Variants in SLC4A4 observed in about 807,000 individuals in gnomAD.
The protein encoded by SLC4A4 is electrogenic sodium bicarbonate cotransporter 1.
A neutral mutation model predicts 111.5 loss-of-function variants in SLC4A4; 27 were observed. The ratio of observed to expected loss-of-function variants is 0.24; its 90% confidence interval spans 0.18 to 0.33. The LOEUF is 0.33. Ranked by LOEUF, SLC4A4 falls within the 10% of genes least tolerant of loss-of-function variation. SLC4A4 has a pLI of 1.00. For missense variants in SLC4A4, 909 were observed against 1,315.5 expected, an observed-to-expected ratio of 0.69 and a Z score of 4.78; for synonymous variants, 443 against 463.4, an observed-to-expected ratio of 0.96 and a Z score of 0.57.
chr4:71,157,678 T>A (rs539626524), intron 2 of SLC4A4, among the ~76,000 whole-genome samples: 14 of 152,332 alleles, frequency 9.2e-5, no homozygotes, highest in African/African-American at 3.4e-4. Context: ...TTTTGATTAT[T>A]CAAAGACCTT....
chr4:71,423,686 G>A (rs1425350068), intron 7 of SLC4A4, among the ~76,000 whole-genome samples: 2 of 151,984 alleles, frequency 1.3e-5, no homozygotes, highest in Admixed American at 6.6e-5. Context: ...AAATAACGCC[G>A]CATATCTACA....
intron 6 of SLC4A4, among the ~76,000 whole-genome samples, chr4:71,382,276 T>C (rs1652142863): frequency 6.6e-6 from 1 of 152,128 alleles, no homozygotes; most frequent in African/African-American, 2.4e-5. Context: ...TCCTCTTATA[T>C]GAGGAAGCAG....
At chr4:71,552,696 A>C (rs553475688) in intron 20 of SLC4A4, among the ~76,000 whole-genome samples, 6 of 151,820 alleles carry the variant, frequency 4.0e-5, no homozygotes, top group African/African-American at 1.4e-4. Flanking sequence ...TTATAATTAT[A>C]CTTTTGTGCT....
At chr4:71,256,716 A>C (rs1049595259) in intron 3 of SLC4A4, among the ~76,000 whole-genome samples, 1 of 152,222 alleles carries the variant, frequency 6.6e-6, no homozygotes, top group Non-Finnish European at 1.5e-5. Flanking sequence ...CTTAAAATGC[A>C]CATAAACATG....
chr4:71,169,953 C>T lies in SLC4A4; in HGVS notation c.-1-66623C>T, dbSNP rs149198460. On this transcript the variant is annotated intron_variant, in intron 2 of 26. Transcript: ENST00000649996. ...TTCTCCAAACCTCATTTCATCACTA[C>T]TCTCTCTGCTCATTCACTGTGCTCT... is the stretch of plus-strand genomic sequence containing the variant. Among the ~76,000 whole-genome samples, 19 of 152,334 alleles carry T rather than the reference C, an allele frequency of 1.2e-4. 1 individual carries two copies. Among genetic ancestry groups the T allele is most frequent in the African/African-American group, 4.6e-4 (19 of 41,576 alleles).
intron 6 of SLC4A4, among the ~76,000 whole-genome samples, chr4:71,382,932 T>C (rs1718294144): frequency 6.6e-6 from 1 of 152,214 alleles, no homozygotes; most frequent in Non-Finnish European, 1.5e-5. Context: ...GATATGAATT[T>C]CTTTCTCATT....
intron 20 of SLC4A4, among the ~76,000 whole-genome samples, chr4:71,548,981 T>C (rs1349075792): frequency 6.6e-6 from 1 of 151,930 alleles, no homozygotes; most frequent in East Asian, 1.9e-4. Context: ...TTTTCCTTGG[T>C]TTCCACAATG....
chr4:71,550,016 G>A (rs776225829), intron 20 of SLC4A4, among the ~76,000 whole-genome samples: 1 of 151,798 alleles, frequency 6.6e-6, no homozygotes, highest in Non-Finnish European at 1.5e-5. Context: ...ATCCATACCT[G>A]GGCTCATCCT....
chr4:71,129,438 A>C (rs979946199), intron 2 of SLC4A4, among the ~76,000 whole-genome samples: 1 of 152,204 alleles, frequency 6.6e-6, no homozygotes, highest in African/African-American at 2.4e-5. Context: ...CACCAGTCAG[A>C]ATGGCTGTCA....
At chr4:71,262,325 A>G (rs561062123) in intron 3 of SLC4A4, among the ~76,000 whole-genome samples, 24 of 152,296 alleles carry the variant, frequency 1.6e-4, no homozygotes, top group Non-Finnish European at 3.1e-4. Context: ...GTGAGGGACC[A>G]CGGGCCTACT....
At chr4:71,269,858 T>G (rs911106856) in intron 3 of SLC4A4, among the ~76,000 whole-genome samples, 4 of 152,196 alleles carry the variant, frequency 2.6e-5, no homozygotes, top group Non-Finnish European at 4.4e-5. Flanking sequence ...ACTTACGAGC[T>G]TTTTGATGGT....
chr4:71,209,391 G>T (rs1717991941), intron 1 of SLC4A4, among the ~76,000 whole-genome samples: 1 of 152,196 alleles, frequency 6.6e-6, no homozygotes, highest in Non-Finnish European at 1.5e-5. Context: ...AATTCTACAA[G>T]GATGTTGCAA....
chr4:71,073,711 T>C (rs180757780), intron 1 of SLC4A4, among the ~76,000 whole-genome samples: 1 of 152,198 alleles, frequency 6.6e-6, no homozygotes, highest in Admixed American at 6.6e-5. Flanking sequence ...GGTACTGCTG[T>C]CTCTCCAGCA....
intron 1 of SLC4A4, among the ~76,000 whole-genome samples, chr4:71,227,821 G>T (rs999018624): frequency 1.3e-5 from 2 of 152,190 alleles, no homozygotes; most frequent in Non-Finnish European, 2.9e-5. Context: ...GAAGAAGGGT[G>T]ATTGAAAGCT....
At chr4:71,546,134 C>T (rs917629987) in intron 18 of SLC4A4, among the ~76,000 whole-genome samples, 12 of 152,004 alleles carry the variant, frequency 7.9e-5, no homozygotes, top group African/African-American at 2.9e-4. Context: ...CACTATAGTA[C>T]AGAAGGTCTC....
At chr4:71,083,543 T>A (rs1742054044) in intron 1 of SLC4A4, among the ~76,000 whole-genome samples, 1 of 151,966 alleles carries the variant, frequency 6.6e-6, no homozygotes, top group African/African-American at 2.4e-5. Flanking sequence ...CAATGTTGAA[T>A]GAAATAAACT....
At chr4:71,329,477 A>G (rs1727787399) in intron 3 of SLC4A4, among the ~76,000 whole-genome samples, 1 of 151,864 alleles carries the variant, frequency 6.6e-6, no homozygotes, top group Non-Finnish European at 1.5e-5. Flanking sequence ...CCATTTTGTT[A>G]TGTCTTCAAT....
intron 7 of SLC4A4, among the ~76,000 whole-genome samples, chr4:71,401,048 A>G (rs1489666436): frequency 1.3e-5 from 2 of 152,174 alleles, no homozygotes; most frequent in South Asian, 2.1e-4. Context: ...CTGCCTGGAT[A>G]CAATTTGAAC....
At chr4:71,121,678 A>G (rs28819415) in intron 2 of SLC4A4, among the ~76,000 whole-genome samples, 4,318 of 151,804 alleles carry the variant, frequency 0.028, 75 homozygotes, top group Middle Eastern at 0.058. Context: ...AAAACGGACC[A>G]ATCAGCTCTC....
Sources: gnomAD v4.1 joint callset for allele counts (sites outside exome capture counted in the v4.1 genomes callset) on GRCh38, gnomAD v4.1.1 for gene constraint, MANE v1.5 for transcripts, NCBI Gene and HGNC (gene_info 2026-07-23, HGNC 2026-07-21) for gene names.